The following SLC2A3 variants were observed in gnomAD, a reference collection of about 807,000 sequenced individuals.
SLC2A3 encodes the protein solute carrier family 2 member 3.
SLC2A3 carries 21 observed loss-of-function variants against 46.4 expected under a neutral mutation model. That is an observed-to-expected ratio of 0.45 (90% CI 0.32 to 0.65). The LOEUF (loss-of-function observed/expected upper bound fraction) is 0.65, where lower values mean the gene tolerates loss of function less well. SLC2A3 is among the 30% of genes least tolerant of loss of function. The pLI is 0.04. For missense variants in SLC2A3, 499 were observed against 623.3 expected (o/e 0.80, Z 2.12); for synonymous variants, 213 against 239.4 (o/e 0.89, Z 1.02).
At chr12:7,926,300 A>G (rs772783327) in intron 6 of SLC2A3, among the ~76,000 whole-genome samples, 1 of 152,152 alleles carries the variant, frequency 6.6e-6, no homozygotes, top group Non-Finnish European at 1.5e-5. Flanking sequence ...CTTGTTGGCC[A>G]GGCTGGTCTC....
chr12:7,921,841 T>C (rs771568843), intron 9 of SLC2A3, among the ~76,000 whole-genome samples: 1 of 152,248 alleles, frequency 6.6e-6, no homozygotes, highest in Admixed American at 6.5e-5. Context: ...TTCATTACAG[T>C]TAGATGCTTC....
intron 8 of SLC2A3, among the ~76,000 whole-genome samples, chr12:7,923,633 G>GT (rs1376283014): frequency 8.6e-5 from 13 of 151,650 alleles, no homozygotes; most frequent in Admixed American, 7.9e-4. Context: ...ATTTTTTTTT[G>GT]TTTTTTTGTA....
At chr12:7,934,346 TGG>T (rs1946191066) in intron 1 of SLC2A3, among the ~76,000 whole-genome samples, 2 of 151,892 alleles carry the variant, frequency 1.3e-5, no homozygotes, top group Non-Finnish European at 2.9e-5. Context: ...CTGGTGGTGG[TGG>T]AGGGGGTGGT....
chr12:7,936,076 G>A lies in SLC2A3; in HGVS notation c.-42C>T. 1 of 1,580,980 alleles carries A rather than the reference G, an allele frequency of 6.3e-7. No individual in the cohort carries two copies. On this transcript the variant is annotated 5_prime_UTR_variant, in exon 1 of 10. Coordinates refer to ENST00000075120, the MANE Select transcript of SLC2A3 (RefSeq NM_006931.3). ...AAGTCTTCAAGAAAGATCTAGGGGT[G>A]ATTCCAGAAACAGCTTTTTCAGCCA... is the stretch of plus-strand genomic sequence containing the variant.
At chr12:7,933,189 T>C (rs1482539813) in intron 2 of SLC2A3, 42 bp from the exon 3 acceptor site, 1 of 1,601,566 alleles carries the variant, frequency 6.2e-7, no homozygotes, top group East Asian at 2.2e-5. Flanking sequence ...ACTGTTACAG[T>C]TGGATGAGAA....
At chr12:7,927,757 A>C (rs1946110377) in intron 6 of SLC2A3, among the ~76,000 whole-genome samples, 1 of 152,082 alleles carries the variant, frequency 6.6e-6, no homozygotes, top group Non-Finnish European at 1.5e-5. Flanking sequence ...CTCATTGACT[A>C]AATTGGGAGC....
chr12:7,933,920 AGAG>A lies in SLC2A3; in HGVS notation c.16-21_16-19del, dbSNP rs2121202498. The A allele has an allele frequency of 6.2e-7, 1 of 1,607,122 alleles. No individual in the cohort carries two copies. The highest frequency in any genetic ancestry group is 8.5e-7 in the Non-Finnish European group (1 of 1,174,138). On this transcript the variant is annotated intron_variant, in intron 1 of 9. Transcript: ENST00000075120. ...GGGGTGACCTGGAGGGAGGGAAGAC[AGAG>A]GAGAGAATAGTCCTTAAAACTTGTG...
chr12:7,929,556 C>G, intron 6 of SLC2A3, 128 bp downstream of exon 6: 1 of 1,387,162 alleles, frequency 7.2e-7, no homozygotes, highest in Non-Finnish European at 9.7e-7. Flanking sequence ...CCTGAAACTC[C>G]TGAGCTCAAG....
Position 7,924,179 on chromosome 12 carries a change from A to G in SLC2A3, c.1068+231T>C, listed in dbSNP as rs374232932. On this transcript the variant is annotated intron_variant, in intron 8 of 9. Transcript: ENST00000075120. ...ACCTTGATATTATTCTAAGAATTAA[A>G]TTAGATAATTTATTTTATAAGCTAT... Among the ~76,000 whole-genome samples the G allele has an allele frequency of 9.9e-5, 15 of 152,272 alleles. No homozygotes were observed. The East Asian group carries it at 2.7e-3, about 27-fold the overall frequency.
In SLC2A3 at chr12:7,920,965, C is replaced by T. The variant is rs752792318; in HGVS notation, c.*448G>A. ...AAATAAAACTCAAGTTAATTTGCCA[C>T]GTAGAGCTGTATGGAAGTGAGGAAG... On this transcript the variant is annotated 3_prime_UTR_variant, in exon 10 of 10. Coordinates refer to ENST00000075120, the MANE Select transcript of SLC2A3 (RefSeq NM_006931.3). 91 of 203,020 alleles carry T rather than the reference C, an allele frequency of 4.5e-4. No homozygotes were observed. Among genetic ancestry groups the T allele is most frequent in the African/African-American group, 2.1e-3 (91 of 43,416 alleles). The allele number at this position is 203,020 out of a possible 1,614,324, so 12.6% of individuals were successfully genotyped here.
At chr12:7,925,588 T>C in intron 7 of SLC2A3, 1 of 339,488 alleles carries the variant, frequency 2.9e-6, no homozygotes, top group East Asian at 4.9e-5. Flanking sequence ...CTTGAGAGTT[T>C]TTCCAAGCAC....
intron 2 of SLC2A3, 37 bp from the exon 3 acceptor site, chr12:7,933,184 T>C: frequency 3.7e-6 from 6 of 1,606,098 alleles, no homozygotes; most frequent in Non-Finnish European, 4.3e-6. Flanking sequence ...AACAGACTGT[T>C]ACAGTTGGAT....
chr12:7,929,418 A>C, intron 6 of SLC2A3: 1 of 475,936 alleles, frequency 2.1e-6, no homozygotes, highest in Non-Finnish European at 3.7e-6. Flanking sequence ...TGGTAAAGTC[A>C]GTTCACTCTG....
chr12:7,925,825 A>G lies in SLC2A3; in HGVS notation c.966+19T>C. ...AGGATTCTTTTCTCCCCTCAAAATT[A>G]CCAAACCATCCAACTTACAGAAACT... is the stretch of plus-strand genomic sequence containing the variant. On this transcript the variant is annotated intron_variant, in intron 7 of 9. Transcript: ENST00000075120. 1 of 1,587,152 alleles carries G rather than the reference A, an allele frequency of 6.3e-7. No homozygotes were observed. Among genetic ancestry groups the G allele is most frequent in the Non-Finnish European group, 8.7e-7 (1 of 1,155,974 alleles).
At chr12:7,931,075 C>T (rs1401194568) in intron 4 of SLC2A3, among the ~76,000 whole-genome samples, 170 bp downstream of exon 4, 2 of 152,196 alleles carry the variant, frequency 1.3e-5, no homozygotes, top group East Asian at 1.9e-4. Context: ...GGATTACAGG[C>T]GTGAGCCACA....
intron 2 of SLC2A3, chr12:7,933,515 T>C (rs999866513): frequency 4.3e-6 from 2 of 466,916 alleles, no homozygotes; most frequent in African/African-American, 3.9e-5. Context: ...GTGCTTCGAT[T>C]AGATGACCCC....
intron 6 of SLC2A3, among the ~76,000 whole-genome samples, chr12:7,927,537 C>T (rs116017508): frequency 0.024 from 3,665 of 149,864 alleles, 147 homozygotes; most frequent in African/African-American, 0.082. Context: ...TCTTACCCAT[C>T]TGCCCATAAG....
chr12:7,925,747 A>T, intron 7 of SLC2A3, 97 bp downstream of exon 7: 1 of 947,608 alleles, frequency 1.1e-6, no homozygotes, highest in East Asian at 2.4e-5. Flanking sequence ...AGCAACAAAA[A>T]GGTAACTAAA....
intron 1 of SLC2A3, among the ~76,000 whole-genome samples, chr12:7,934,118 A>G (rs1428014806): frequency 1.3e-5 from 2 of 152,144 alleles, no homozygotes; most frequent in Non-Finnish European, 2.9e-5. Flanking sequence ...CTTGGTAAAA[A>G]TGAAAGAAAA....
Sources: allele counts gnomAD v4.1 joint callset (sites outside exome capture counted in the v4.1 genomes callset), GRCh38; gene constraint gnomAD v4.1.1; transcripts MANE v1.5; gene names NCBI Gene and HGNC (gene_info 2026-07-23, HGNC 2026-07-21).